NRG1: variants seen among roughly 807,000 people sequenced by gnomAD.
NRG1 encodes the protein neuregulin 1, also known as pro-neuregulin-1, membrane-bound isoform.
NRG1 carries 18 observed loss-of-function variants against 63.8 expected under a neutral mutation model. That is an observed-to-expected ratio of 0.28 (90% CI 0.19 to 0.42). The LOEUF is 0.42. Among genes scored for constraint, NRG1 ranks in the 10% least tolerant of loss-of-function variants. The pLI, the probability that NRG1 is intolerant of heterozygous loss-of-function variation, is 1.00. For synonymous variants in NRG1, 302 were observed against 301.3 expected (o/e 1.00, Z -0.02); for missense variants, 762 against 814.7 (o/e 0.94, Z 0.79).
At chr8:31,899,097 T>A (rs116498086) in intron 1 of NRG1, among the ~76,000 whole-genome samples, 18,485 of 143,988 alleles carry the variant, frequency 0.13, 1,269 homozygotes, top group Admixed American at 0.21. Context: ...TATTAAAAAA[T>A]TTTTAAGTTT....
At chr8:31,909,931 G>A (rs1251368371) in intron 1 of NRG1, among the ~76,000 whole-genome samples, 1 of 152,184 alleles carries the variant, frequency 6.6e-6, no homozygotes, top group Non-Finnish European at 1.5e-5. Context: ...GTGAGGTCAA[G>A]AGGGTGAACA....
chr8:31,819,204 C>T (rs1305046642), intron 1 of NRG1, among the ~76,000 whole-genome samples: 1 of 120,912 alleles, frequency 8.3e-6, no homozygotes, highest in Non-Finnish European at 2.0e-5. Flanking sequence ...GTGCTACTTA[C>T]ACTCCAGCCT....
intron 1 of NRG1, among the ~76,000 whole-genome samples, chr8:32,238,900 G>T (rs1847835783): frequency 6.6e-6 from 1 of 152,152 alleles, no homozygotes; most frequent in South Asian, 2.1e-4. Context: ...ATTGAACAGG[G>T]AGATGCTATT....
chr8:31,641,302 A>G (rs977932678), intron 1 of NRG1, among the ~76,000 whole-genome samples: 2 of 151,488 alleles, frequency 1.3e-5, no homozygotes, highest in East Asian at 3.9e-4. Context: ...TATGTGTAAT[A>G]TGTGAGAATT....
intron 1 of NRG1, among the ~76,000 whole-genome samples, chr8:32,259,622 C>T (rs1240300935): frequency 6.6e-6 from 1 of 152,138 alleles, no homozygotes; most frequent in African/African-American, 2.4e-5. Flanking sequence ...TACCCTCCCC[C>T]AACAGTTCAT....
At chr8:32,174,198 G>A (rs969474321) in intron 1 of NRG1, among the ~76,000 whole-genome samples, 20 of 151,936 alleles carry the variant, frequency 1.3e-4, no homozygotes, top group South Asian at 8.3e-4. Context: ...ACTCAAAACC[G>A]CTCAACTACA....
chr8:31,639,706 T>C (rs1803543063), intron 1 of NRG1: 1 of 1,387,130 alleles, frequency 7.2e-7, no homozygotes, highest in Non-Finnish European at 9.3e-7. Flanking sequence ...TCACTCCCTG[T>C]AACTGAGGCG....
chr8:32,062,474 C>T (rs13271344), intron 1 of NRG1, among the ~76,000 whole-genome samples: 84,984 of 151,856 alleles, frequency 0.56, 27,092 homozygotes, highest in Non-Finnish European at 0.71. Context: ...TCTGCTGCCT[C>T]TTGCAATCTG....
In NRG1 at chr8:31,690,863, A is replaced by G. The variant is rs578198257; in HGVS notation, c.37+51432A>G. Among the ~76,000 whole-genome samples the G allele has an allele frequency of 3.9e-5, 6 of 152,332 alleles. No individual in the cohort carries two copies. In the South Asian group the frequency reaches 1.0e-3, roughly 26 times the overall value. On this transcript the variant is annotated intron_variant, in intron 1 of 10. Transcript: ENST00000519301. ...GGGCCTGTTATAAAGTTGAGATTCT[A>G]TAAGACTTCCAAGGGTAGATGGTGA...
At chr8:32,722,419 A>C (rs1430555225) in intron 5 of NRG1, among the ~76,000 whole-genome samples, 1 of 152,200 alleles carries the variant, frequency 6.6e-6, no homozygotes, top group Non-Finnish European at 1.5e-5. Flanking sequence ...CCTTTACAGT[A>C]TTATTTTCTT....
rs370361629 is a variant in NRG1, at chr8:32,098,623, A to G, written c.37+459192A>G. On this transcript the variant is annotated intron_variant, in intron 1 of 10. Coordinates refer to the NRG1 transcript ENST00000519301. The stretch of plus-strand genomic sequence containing the variant: ...GACCACTTTTAGTGTAAAATGTTTC[A>G]CAGAGGGTTCTATTTTAAACTGCCT... 112 of 152,294 alleles carry G rather than the reference A, an allele frequency of 7.4e-4. 2 individuals carry two copies. The highest frequency in any genetic ancestry group is 2.6e-3 in the African/African-American group (107 of 41,554). The allele number at this position is 152,294 out of a possible 1,614,324, so 9.4% of individuals were successfully genotyped here. A position where few individuals can be genotyped will look rare whatever the true frequency, so the allele number is the denominator to read the frequency against.
At chr8:32,634,495 C>T (rs550235644) in intron 5 of NRG1, among the ~76,000 whole-genome samples, 4 of 152,110 alleles carry the variant, frequency 2.6e-5, no homozygotes, top group South Asian at 2.1e-4. Context: ...GGTTTGGTTT[C>T]GTCATGGCCA....
At chr8:32,194,862 G>A (rs964905775) in intron 1 of NRG1, among the ~76,000 whole-genome samples, 2 of 151,722 alleles carry the variant, frequency 1.3e-5, no homozygotes, top group African/African-American at 2.4e-5. Flanking sequence ...AAGGATGAAG[G>A]TTATTCTTTA....
intron 1 of NRG1, among the ~76,000 whole-genome samples, chr8:32,322,191 A>C (rs549402841): frequency 3.3e-5 from 5 of 151,044 alleles, no homozygotes; most frequent in Admixed American, 6.6e-5. Context: ...CCCATCTCTA[A>C]AAAAAAAGAA....
At chr8:31,839,172 AG>A (rs1478061629) in intron 1 of NRG1, among the ~76,000 whole-genome samples, 1 of 152,196 alleles carries the variant, frequency 6.6e-6, no homozygotes, top group East Asian at 1.9e-4. Flanking sequence ...TAACTTTAAA[AG>A]CCTTATTCTT....
intron 1 of NRG1, among the ~76,000 whole-genome samples, chr8:32,436,592 A>G (rs919858928): frequency 6.6e-6 from 1 of 152,180 alleles, no homozygotes; most frequent in South Asian, 2.1e-4. Context: ...CATGAGTCCC[A>G]TCACTGAGAT....
intron 1 of NRG1, among the ~76,000 whole-genome samples, chr8:31,721,368 A>C (rs1037832088): frequency 6.6e-6 from 1 of 152,168 alleles, no homozygotes; most frequent in Admixed American, 6.5e-5. Flanking sequence ...TCATTCTGCT[A>C]TCTTTTAGAA....
intron 11 of NRG1, chr8:32,763,122 C>A: frequency 8.0e-7 from 1 of 1,244,314 alleles, no homozygotes; most frequent in Admixed American, 1.8e-5. Flanking sequence ...TGAATGTTAA[C>A]TAGTTGCATT....
chr8:32,760,735 AG>A, intron 11 of NRG1: 1 of 1,082,558 alleles, frequency 9.2e-7, no homozygotes. Context: ...TTGTAACATT[AG>A]AGAGATGGCA....
Sources: gnomAD v4.1 joint callset for allele counts (sites outside exome capture counted in the v4.1 genomes callset) on GRCh38, gnomAD v4.1.1 for gene constraint, MANE v1.5 for transcripts, NCBI Gene and HGNC (gene_info 2026-07-23, HGNC 2026-07-21) for gene names.